The following ADI1 variants were observed in gnomAD, a reference collection of about 807,000 sequenced individuals.
ADI1 encodes the protein acireductone dioxygenase 1, also known as acireductone dioxygenase.
Under a neutral mutation model 18.7 loss-of-function variants are expected in ADI1, and 21 were observed. That is an observed-to-expected ratio of 1.13 (90% CI 0.80 to 1.62). The LOEUF (loss-of-function observed/expected upper bound fraction) is 1.62, where lower values mean the gene tolerates loss of function less well. ADI1 is among the 40% of genes most tolerant of loss of function. The probability of loss-of-function intolerance (pLI) is 0.00; values close to 1 mark genes in which losing one functional copy is unlikely to be tolerated. For missense variants in ADI1, 245 were observed against 254.9 expected, an observed-to-expected ratio of 0.96 and a Z score of 0.26; for synonymous variants, 90 against 100.1, an observed-to-expected ratio of 0.90 and a Z score of 0.60.
At chr2:3,506,306 A>C (rs1024773863) in intron 2 of ADI1, among the ~76,000 whole-genome samples, 1 of 152,230 alleles carries the variant, frequency 6.6e-6, no homozygotes, top group Non-Finnish European at 1.5e-5. Context: ...AATCCAAAAG[A>C]ATCAACAAAG....
chr2:3,501,318 G>A (rs747918598), intron 2 of ADI1, among the ~76,000 whole-genome samples: 13 of 152,146 alleles, frequency 8.5e-5, no homozygotes, highest in Non-Finnish European at 1.3e-4. Context: ...CCGTTTTACA[G>A]ATGTGGAAAT....
At chr2:3,508,450 A>C (rs560665247) in intron 2 of ADI1, among the ~76,000 whole-genome samples, 24 of 152,240 alleles carry the variant, frequency 1.6e-4, no homozygotes, top group South Asian at 6.2e-4. Context: ...TTTAAACATG[A>C]ATGATCTAAA....
At chr2:3,502,702 A>G (rs1572232482) in intron 2 of ADI1, among the ~76,000 whole-genome samples, 1 of 151,994 alleles carries the variant, frequency 6.6e-6, no homozygotes, top group Non-Finnish European at 1.5e-5. Flanking sequence ...TGCCCACCTC[A>G]GTCTCCCAAA....
At chr2:3,518,377 G>A (rs554606360) in intron 1 of ADI1, among the ~76,000 whole-genome samples, 1 of 152,212 alleles carries the variant, frequency 6.6e-6, no homozygotes, top group African/African-American at 2.4e-5. Flanking sequence ...ATTAGATCCA[G>A]TCACCCCTCA....
chr2:3,507,440 C>T (rs1336248792), intron 2 of ADI1, among the ~76,000 whole-genome samples: 1 of 151,938 alleles, frequency 6.6e-6, no homozygotes, highest in Non-Finnish European at 1.5e-5. Flanking sequence ...AAAAAATGCA[C>T]CTAACCTATA....
chr2:3,502,001 C>CCA (rs70938947), intron 2 of ADI1, among the ~76,000 whole-genome samples: 8,598 of 104,788 alleles, frequency 0.082, 280 homozygotes, highest in Non-Finnish European at 0.099. Flanking sequence ...ACCTCCCGCT[C>CCA]CACACACACA....
chr2:3,509,701 G>C (rs528024258), intron 2 of ADI1, among the ~76,000 whole-genome samples: 2 of 152,086 alleles, frequency 1.3e-5, no homozygotes, highest in African/African-American at 4.8e-5. Context: ...AGTACTCTGG[G>C]GAAAATTTAC....
chr2:3,502,514 G>A (rs188845918), intron 2 of ADI1, among the ~76,000 whole-genome samples: 34 of 146,986 alleles, frequency 2.3e-4, no homozygotes, highest in African/African-American at 8.1e-4. Context: ...GTGCAATGGC[G>A]CGATCTCGGC....
intron 2 of ADI1, 144 bp downstream of exon 2, chr2:3,513,713 A>G: frequency 1.1e-6 from 1 of 896,156 alleles, no homozygotes; most frequent in Admixed American, 3.2e-5. Flanking sequence ...CTTTTCTTAT[A>G]AATTACACAG....
chr2:3,498,906 C>T lies in ADI1; in HGVS notation c.*57G>A, dbSNP rs1285035540. 4 of 1,550,242 alleles carry T rather than the reference C, an allele frequency of 2.6e-6. No homozygotes were observed. The highest frequency in any genetic ancestry group is 2.3e-5 in the East Asian group (1 of 43,664). On this transcript the variant is annotated 3_prime_UTR_variant, in exon 4 of 4. Coordinates refer to ENST00000327435, the MANE Select transcript of ADI1 (RefSeq NM_018269.4). ...CAAAGAGAAAGTGATTGATTTTCTG[C>T]TCAGTCATTACATTGGGGACCTTTA...
rs1292482834 is a variant in ADI1, at chr2:3,498,078, GT to G, written c.*884del. On this transcript the variant is annotated 3_prime_UTR_variant, in exon 4 of 4. Transcript: ENST00000327435. ...TTAAGGCTTGAGTTTCCTCTGTACA[GT>G]GTGGAGGTGATTAAGAAAATTAATC... is the stretch of plus-strand genomic sequence containing the variant. 1 of 152,194 alleles carries G rather than the reference GT, an allele frequency of 6.6e-6. No homozygotes were observed. Among genetic ancestry groups the G allele is most frequent in the Non-Finnish European group, 1.5e-5 (1 of 68,042 alleles). 9.4% of individuals were successfully genotyped at this position (152,194 alleles called of 1,614,324 possible). A position where few individuals can be genotyped will look rare whatever the true frequency, so the allele number is the denominator to read the frequency against.
At chr2:3,512,084 T>A (rs1667304868) in intron 2 of ADI1, among the ~76,000 whole-genome samples, 1 of 152,204 alleles carries the variant, frequency 6.6e-6, no homozygotes, top group African/African-American at 2.4e-5. Context: ...GAACTTATAT[T>A]TAAAAGGGAA....
intron 1 of ADI1, chr2:3,514,845 C>A (rs1479625913): frequency 3.2e-6 from 5 of 1,548,530 alleles, no homozygotes; most frequent in Non-Finnish European, 4.4e-6. Context: ...AGTCAGGGAC[C>A]CCGAATGGAG....
rs1003521754 is a variant in ADI1, at chr2:3,503,458, T to C, written c.241-2465A>G. Among the ~76,000 whole-genome samples, 3 of 145,406 alleles carry C rather than the reference T, an allele frequency of 2.1e-5. 1 individual carries two copies. Among genetic ancestry groups the C allele is most frequent in the Admixed American group, 2.0e-4 (3 of 14,752 alleles). ...TCACACTCATGCACACATACGGACG[T>C]ACACTCACACGTGTGCATTCACACT... On this transcript the variant is annotated intron_variant, in intron 2 of 3. Coordinates refer to ENST00000327435, the MANE Select transcript of ADI1 (RefSeq NM_018269.4).
At chr2:3,500,487 G>C in intron 3 of ADI1, 5 of 224,244 alleles carry the variant, frequency 2.2e-5, no homozygotes, top group South Asian at 4.8e-5. Context: ...TCACCGCCAA[G>C]CAAGGGCTGG....
chr2:3,514,729 C>G, intron 1 of ADI1: 1 of 1,512,112 alleles, frequency 6.6e-7, no homozygotes, highest in Non-Finnish European at 8.9e-7. Context: ...CATCTGAACT[C>G]TTATTTAAAA....
intron 3 of ADI1, among the ~76,000 whole-genome samples, chr2:3,499,934 G>A (rs185576191): frequency 2.0e-5 from 3 of 152,226 alleles, no homozygotes; most frequent in African/African-American, 4.8e-5. Context: ...GCGTGGTGGT[G>A]TGCCCCAGTA....
chr2:3,509,232 A>C lies in ADI1; in HGVS notation c.240+4625T>G, dbSNP rs941756922. On this transcript the variant is annotated intron_variant, in intron 2 of 3. Transcript: ENST00000327435. The stretch of plus-strand genomic sequence containing the variant: ...GAAAGATAGACAAATCCACTATTAC[A>C]GTTGGCAATTTCAATACTAACAGTA... Among the ~76,000 whole-genome samples the C allele has an allele frequency of 4.6e-5, 7 of 152,214 alleles. 1 individual carries two copies. Among genetic ancestry groups the C allele is most frequent in the African/African-American group, 1.7e-4 (7 of 41,462 alleles).
At chr2:3,500,789 TG>T in intron 3 of ADI1, 24 bp downstream of exon 3, 1 of 1,613,146 alleles carries the variant, frequency 6.2e-7, no homozygotes, top group Non-Finnish European at 8.5e-7. Flanking sequence ...AGGCCGGGCC[TG>T]GGGAGAAAGC....
Sources: allele counts gnomAD v4.1 joint callset (sites outside exome capture counted in the v4.1 genomes callset), GRCh38; gene constraint gnomAD v4.1.1; transcripts MANE v1.5; gene names NCBI Gene and HGNC (gene_info 2026-07-23, HGNC 2026-07-21).